Variants in SGCZ observed in about 807,000 individuals in gnomAD.
SGCZ encodes the protein sarcoglycan zeta.
SGCZ carries 40 observed loss-of-function variants against 41.3 expected under a neutral mutation model. The ratio of observed to expected loss-of-function variants is 0.97; its 90% CI spans 0.75 to 1.26. SGCZ has a LOEUF of 1.26. Among genes scored for constraint, SGCZ ranks in the 50% most tolerant of loss-of-function variants. The probability of loss-of-function intolerance (pLI) is 0.00; values close to 1 mark genes in which losing one functional copy is unlikely to be tolerated. For synonymous variants in SGCZ, 206 were observed against 137.5 expected, an observed-to-expected ratio of 1.50 and a Z score of -3.49; for missense variants, 552 against 369.8, an observed-to-expected ratio of 1.49 and a Z score of -4.04.
intron 1 of SGCZ, among the ~76,000 whole-genome samples, chr8:15,086,615 C>T (rs907592905): frequency 2.6e-5 from 4 of 151,904 alleles, no homozygotes; most frequent in African/African-American, 4.8e-5. Flanking sequence ...CAAATTATAC[C>T]TCAAAAACAT....
At chr8:14,726,262 C>CA (rs35093191) in intron 1 of SGCZ, among the ~76,000 whole-genome samples, 6,485 of 99,086 alleles carry the variant, frequency 0.065, 297 homozygotes, top group African/African-American at 0.17. Context: ...GACTCTGTCT[C>CA]AAAAAAAAAA....
intron 2 of SGCZ, among the ~76,000 whole-genome samples, chr8:14,426,798 C>T (rs139850684): frequency 6.6e-6 from 1 of 152,058 alleles, no homozygotes; most frequent in East Asian, 1.9e-4. Flanking sequence ...AAATAAATGG[C>T]TTAAAGTGAG....
Position 14,144,447 on chromosome 8 carries a change from C to G in SGCZ, c.547+20133G>C, listed in dbSNP as rs150181476. Among the ~76,000 whole-genome samples, 623 of 152,154 alleles carry G rather than the reference C, an allele frequency of 4.1e-3. 2 individuals are homozygous for G. Among genetic ancestry groups the G allele is most frequent in the Non-Finnish European group, 6.8e-3 (462 of 68,004 alleles). On this transcript the variant is annotated intron_variant, in intron 5 of 7. Coordinates refer to ENST00000382080, the MANE Select transcript of SGCZ (RefSeq NM_139167.4). ...GTTCATAACCTGCTAACTGAAGAGC[C>G]CTTGGGCCCTGAGTAACCAGTAGCA...
intron 1 of SGCZ, among the ~76,000 whole-genome samples, chr8:14,678,145 A>T (rs1585175706): frequency 6.6e-6 from 1 of 152,242 alleles, no homozygotes; most frequent in African/African-American, 2.4e-5. Flanking sequence ...GTTGACGTAG[A>T]TACAACAACA....
At chr8:14,183,363 G>C (rs1482722740) in intron 4 of SGCZ, among the ~76,000 whole-genome samples, 1 of 151,952 alleles carries the variant, frequency 6.6e-6, no homozygotes, top group Non-Finnish European at 1.5e-5. Flanking sequence ...CTCTTCTTGA[G>C]AACAGAATAA....
intron 1 of SGCZ, among the ~76,000 whole-genome samples, chr8:14,851,368 C>CAAAAAAAAAAAAAAAAAAAAAAAA (rs369090223): frequency 3.1e-4 from 19 of 61,912 alleles, no homozygotes; most frequent in Non-Finnish European, 3.5e-4. Context: ...GACTCCATCT[C>CAAAAAAAAAAAAAAAAAAAAAAAA]AAAAAAAAAA....
At chr8:14,934,131 G>A (rs938217029) in intron 1 of SGCZ, among the ~76,000 whole-genome samples, 24 of 151,702 alleles carry the variant, frequency 1.6e-4, no homozygotes, top group Non-Finnish European at 2.4e-4. Context: ...ATCCTTTCTA[G>A]GGCAATGTAT....
chr8:15,010,971 G>C (rs928663558), intron 1 of SGCZ, among the ~76,000 whole-genome samples: 26 of 152,270 alleles, frequency 1.7e-4, no homozygotes, highest in African/African-American at 5.5e-4. Context: ...AAATTGGACA[G>C]TGCTTCATCT....
At chr8:14,765,510 A>G (rs1398103306) in intron 1 of SGCZ, among the ~76,000 whole-genome samples, 1 of 152,190 alleles carries the variant, frequency 6.6e-6, no homozygotes, top group Non-Finnish European at 1.5e-5. Context: ...CTATCCGTTC[A>G]TATACAAATG....
intron 1 of SGCZ, among the ~76,000 whole-genome samples, chr8:14,629,160 C>T (rs530955001): frequency 1.3e-5 from 2 of 152,074 alleles, no homozygotes; most frequent in African/African-American, 4.8e-5. Context: ...TACCTGAAGT[C>T]CATCTTCAGT....
At chr8:14,413,895 T>C (rs1799426901) in intron 2 of SGCZ, among the ~76,000 whole-genome samples, 1 of 152,042 alleles carries the variant, frequency 6.6e-6, no homozygotes, top group Non-Finnish European at 1.5e-5. Flanking sequence ...TCTAGAACTC[T>C]GTAAGTTTAC....
At chr8:14,684,349 A>ATTGAATTG (rs1808539454) in intron 1 of SGCZ, among the ~76,000 whole-genome samples, 1 of 152,178 alleles carries the variant, frequency 6.6e-6, no homozygotes, top group Non-Finnish European at 1.5e-5. Context: ...CATGTATTGA[A>ATTGAATTG]AAGTCATGGC....
chr8:14,940,211 G>C (rs999745761), intron 1 of SGCZ, among the ~76,000 whole-genome samples: 2 of 152,058 alleles, frequency 1.3e-5, no homozygotes, highest in Non-Finnish European at 2.9e-5. Context: ...AAAGCCCAGA[G>C]ATATCCTGAA....
chr8:15,228,587 C>A (rs1024290349), intron 1 of SGCZ, among the ~76,000 whole-genome samples: 1 of 152,116 alleles, frequency 6.6e-6, no homozygotes. Context: ...AAAATAATGT[C>A]TCTGCCCTAG....
chr8:14,494,725 A>G (rs13257456), intron 2 of SGCZ, among the ~76,000 whole-genome samples: 25,595 of 152,178 alleles, frequency 0.17, 2,283 homozygotes, highest in Admixed American at 0.2. Flanking sequence ...CTTAACTACA[A>G]CATCAGTAGA....
chr8:14,467,779 A>G (rs1401133874), intron 2 of SGCZ, among the ~76,000 whole-genome samples: 1 of 152,042 alleles, frequency 6.6e-6, no homozygotes, highest in Non-Finnish European at 1.5e-5. Flanking sequence ...CTCCTAGAGC[A>G]AGTTACATCA....
intron 5 of SGCZ, among the ~76,000 whole-genome samples, chr8:14,120,345 A>G (rs1802660280): frequency 6.6e-6 from 1 of 152,202 alleles, no homozygotes; most frequent in African/African-American, 2.4e-5. Context: ...TGTTTAGGAA[A>G]TGAGAACAGA....
chr8:15,236,791 G>C (rs964844712), intron 1 of SGCZ, among the ~76,000 whole-genome samples: 13 of 152,196 alleles, frequency 8.5e-5, no homozygotes, highest in Admixed American at 8.5e-4. Flanking sequence ...GGACCCCAGA[G>C]GGAGAGGGCG....
chr8:14,437,311 A>C (rs1800121461), intron 2 of SGCZ, among the ~76,000 whole-genome samples: 1 of 152,166 alleles, frequency 6.6e-6, no homozygotes, highest in Non-Finnish European at 1.5e-5. Flanking sequence ...AAACTTTAAT[A>C]AATTACCACT....
Sources: gnomAD v4.1 joint callset for allele counts (sites outside exome capture counted in the v4.1 genomes callset) on GRCh38, gnomAD v4.1.1 for gene constraint, MANE v1.5 for transcripts, NCBI Gene and HGNC (gene_info 2026-07-23, HGNC 2026-07-21) for gene names.